The following LHCGR variants were observed in gnomAD, a reference collection of about 807,000 sequenced individuals.
LHCGR encodes lutropin-choriogonadotropic hormone receptor.
Under a neutral mutation model 60.7 loss-of-function variants are expected in LHCGR, and 55 were observed. The ratio of observed to expected loss-of-function variants is 0.91; its 90% CI spans 0.73 to 1.13. LHCGR has a LOEUF of 1.13. LHCGR is among the 50% of genes most tolerant of loss of function. The pLI is 0.00. For missense variants in LHCGR, 862 were observed against 836.0 expected (o/e 1.03, Z -0.38); for synonymous variants, 337 against 316.5 (o/e 1.06, Z -0.69).
intron 1 of LHCGR, among the ~76,000 whole-genome samples, chr2:48,743,850 T>G (rs1472055308): frequency 6.6e-6 from 1 of 151,910 alleles, no homozygotes; most frequent in Non-Finnish European, 1.5e-5. Context: ...CCAGGGCAAT[T>G]AGGCAGGAGA....
At position 48,687,941 on chromosome 2, in the gene LHCGR, T is replaced by C. The variant is rs1362590209; in HGVS notation, c.1856A>G (p.Asn619Ser). ...AGTGAATATTGCATACAGAAATGGATTGGCACAAGAATTGATGGGATAAAA... is the reference window on the plus strand; with the variant it reads ...AGTGAATATTGCATACAGAAATGGACTGGCACAAGAATTGATGGGATAAAA... ...VLFYPINSCA[N>S]PFLYAIFTKT... is the part of the protein sequence containing the mutation. The change falls in exon 11 of 11, where the codon AAT becomes AGT. Residue 619 changes from asparagine to serine, a missense_variant. Asn to Ser is a conservative substitution (Grantham distance 46, BLOSUM62 1). Transcript: ENST00000294954. 8.7e-6 allele frequency: 14 copies of C among 1,614,102 alleles called. No individual in the cohort carries two copies. The highest frequency in any genetic ancestry group is 1.1e-5 in the Non-Finnish European group (13 of 1,179,988).
chr2:48,694,371 CTATT>C (rs1465941542), intron 9 of LHCGR, 67 bp from the exon 10 acceptor site: 1 of 922,266 alleles, frequency 1.1e-6, no homozygotes. Flanking sequence ...GACTGTGCGT[CTATT>C]TATGCTTTGT....
At chr2:48,749,131 T>C (rs1201240967) in intron 1 of LHCGR, among the ~76,000 whole-genome samples, 1 of 152,236 alleles carries the variant, frequency 6.6e-6, no homozygotes, top group Non-Finnish European at 1.5e-5. Context: ...TTATAAATTG[T>C]ACTTTTCTGA....
At chr2:48,709,621 C>A (rs76690216) in intron 7 of LHCGR, among the ~76,000 whole-genome samples, 26 of 152,172 alleles carry the variant, frequency 1.7e-4, no homozygotes, top group Admixed American at 2.6e-4. Flanking sequence ...TGTAAATGAT[C>A]ATCGCCAGGT....
chr2:48,693,807 G>T (rs1666979753), intron 10 of LHCGR, among the ~76,000 whole-genome samples: 1 of 152,176 alleles, frequency 6.6e-6, no homozygotes. Flanking sequence ...TGTCGAGGTA[G>T]CCTAAGTCTC....
In LHCGR at chr2:48,688,663, C is replaced by T; in HGVS notation, c.1134G>A (p.Met378Ile). ...TTGTCAGGAGAACAAAAAGAACAGT[C>T]ATGTTTCCCATGATGGCTAGAATAT... ...LINILAIMGNMTVLFVLLTSR... is the reference protein window; with the variant it reads ...LINILAIMGNITVLFVLLTSR... The change falls in exon 11 of 11, where the codon ATG (methionine) becomes ATA (isoleucine). Residue 378 changes from methionine (M) to isoleucine (I), a missense_variant. Physicochemically the swap from Met to Ile is conservative, Grantham distance 10. Coordinates refer to ENST00000294954, the MANE Select transcript of LHCGR (RefSeq NM_000233.4). The surrounding 1 kb of genome is among the most constrained non-coding windows in gnomAD (Gnocchi z 5.2). 3.7e-6 allele frequency: 6 copies of T among 1,614,134 alleles called. No homozygotes were observed. The highest frequency in any genetic ancestry group is 5.1e-6 in the Non-Finnish European group (6 of 1,180,020).
chr2:48,719,606 A>G (rs1277682910), intron 6 of LHCGR, among the ~76,000 whole-genome samples: 1 of 152,220 alleles, frequency 6.6e-6, no homozygotes, highest in Non-Finnish European at 1.5e-5. Context: ...CCTCTTGAGG[A>G]GATTTAATGA....
chr2:48,745,706 G>C (rs1669668168), intron 1 of LHCGR, among the ~76,000 whole-genome samples: 1 of 111,270 alleles, frequency 9.0e-6, no homozygotes, highest in Admixed American at 1.1e-4. Context: ...TGGGGTGGGG[G>C]GAGGGGGGAG....
intron 1 of LHCGR, among the ~76,000 whole-genome samples, chr2:48,745,616 T>A (rs1669664179): frequency 6.9e-6 from 1 of 145,912 alleles, no homozygotes; most frequent in South Asian, 2.1e-4. Context: ...AAACACCGCA[T>A]ATTCTCACTC....
intron 10 of LHCGR, among the ~76,000 whole-genome samples, 153 bp from the exon 11 acceptor site, chr2:48,689,002 G>C (rs948974673): frequency 6.6e-5 from 10 of 152,040 alleles, no homozygotes; most frequent in Non-Finnish European, 1.5e-4. Context: ...TGAGAACTCT[G>C]ATTTGATGTA....
intron 8 of LHCGR, among the ~76,000 whole-genome samples, chr2:48,704,542 T>C (rs1327194475): frequency 1.3e-5 from 2 of 152,266 alleles, no homozygotes; most frequent in Admixed American, 1.3e-4. Context: ...GTTGGTAGGC[T>C]ATTAACTATT....
At chr2:48,750,365 C>T (rs1669907690) in intron 1 of LHCGR, among the ~76,000 whole-genome samples, 1 of 151,928 alleles carries the variant, frequency 6.6e-6, no homozygotes, top group Admixed American at 6.6e-5. Context: ...CCTACTGAGT[C>T]TAAAAAAATA....
At chr2:48,726,917 A>C (rs1471314345) in intron 3 of LHCGR, among the ~76,000 whole-genome samples, 1 of 152,236 alleles carries the variant, frequency 6.6e-6, no homozygotes, top group African/African-American at 2.4e-5. Flanking sequence ...GAAGTAGCAG[A>C]ACTTGGATGT....
chr2:48,740,654 A>C (rs1354751057), intron 1 of LHCGR, among the ~76,000 whole-genome samples: 35 of 152,154 alleles, frequency 2.3e-4, no homozygotes, highest in South Asian at 8.3e-4. Flanking sequence ...AGGAAAACTA[A>C]CAAACAGAAA....
intron 1 of LHCGR, among the ~76,000 whole-genome samples, chr2:48,743,150 C>T (rs370695810): frequency 1.3e-5 from 2 of 152,116 alleles, no homozygotes; most frequent in East Asian, 1.9e-4. Context: ...CAGGAAGAAG[C>T]TGAATCTCTG....
rs151235292 is a variant in LHCGR, at chr2:48,692,650, A to G, written c.947+1574T>C. On this transcript the variant is annotated intron_variant, in intron 10 of 10. Transcript: ENST00000294954. The stretch of plus-strand genomic sequence containing the variant: ...AGGAGAGCTGTAGCACCGCTGCTCC[A>G]GTCACAAGAAAGAAAGGAGAAAAGA... Among the ~76,000 whole-genome samples, 991 of 152,306 alleles carry G rather than the reference A, an allele frequency of 6.5e-3. 3 individuals carry two copies. Among genetic ancestry groups the G allele is most frequent in the Non-Finnish European group, 0.011 (732 of 68,034 alleles).
At chr2:48,712,746 A>C (rs908780300) in intron 7 of LHCGR, among the ~76,000 whole-genome samples, 18 of 151,750 alleles carry the variant, frequency 1.2e-4, no homozygotes, top group Admixed American at 3.9e-4. Context: ...AGCGTTAAGT[A>C]CTGAGGATAT....
At chr2:48,749,474 A>G (rs1340753269) in intron 1 of LHCGR, among the ~76,000 whole-genome samples, 3 of 152,256 alleles carry the variant, frequency 2.0e-5, no homozygotes, top group Non-Finnish European at 2.9e-5. Context: ...GGAAGTGAGC[A>G]GCAGGGCTTC....
At chr2:48,716,214 T>C (rs966040804) in intron 6 of LHCGR, among the ~76,000 whole-genome samples, 2 of 152,196 alleles carry the variant, frequency 1.3e-5, no homozygotes, top group Non-Finnish European at 2.9e-5. Context: ...GCTAGGGTCT[T>C]GGCAGATACA....
Sources: allele counts gnomAD v4.1 joint callset (sites outside exome capture counted in the v4.1 genomes callset), GRCh38; gene constraint gnomAD v4.1.1; non-coding constraint Gnocchi (gnomAD v3.1); transcripts MANE v1.5; gene names NCBI Gene and HGNC (gene_info 2026-07-23, HGNC 2026-07-21).